MRPL52: variants seen among roughly 807,000 people sequenced by gnomAD.
MRPL52 encodes large ribosomal subunit protein mL52.
MRPL52 carries 19 observed loss-of-function variants against 22.1 expected under a neutral mutation model. The ratio of observed to expected loss-of-function variants is 0.86; its 90% CI spans 0.60 to 1.26. MRPL52 has a LOEUF of 1.26. Ranked by LOEUF, MRPL52 falls within the 50% of genes most tolerant of loss-of-function variation. The pLI, the probability that MRPL52 is intolerant of heterozygous loss-of-function variation, is 0.00. For synonymous variants in MRPL52, 50 were observed against 57.5 expected (o/e 0.87, Z 0.59); for missense variants, 152 against 148.1 (o/e 1.03, Z -0.14).
At chr14:22,834,057 G>A in intron 4 of MRPL52, 115 bp from the exon 5 acceptor site, 1 of 1,204,038 alleles carries the variant, frequency 8.3e-7, no homozygotes, top group Non-Finnish European at 1.2e-6. Context: ...CGCTCCCACT[G>A]GGGAGTCAGC....
At chr14:22,831,191 C>A in intron 3 of MRPL52, 1 of 553,558 alleles carries the variant, frequency 1.8e-6, no homozygotes, top group South Asian at 2.3e-5. Flanking sequence ...TCGCTCACTG[C>A]AGCCTTGATC....
chr14:22,833,612 GT>G, intron 4 of MRPL52, 130 bp downstream of exon 4: 22 of 657,498 alleles, frequency 3.3e-5, no homozygotes, highest in South Asian at 5.9e-5. Context: ...ACAGCCAAAG[GT>G]TTTTTTTGTT....
intron 3 of MRPL52, chr14:22,831,097 A>C (rs893479650): frequency 2.7e-5 from 11 of 404,442 alleles, no homozygotes; most frequent in Non-Finnish European, 4.5e-5. Flanking sequence ...CTGGAATTAC[A>C]TATGACTGCT....
chr14:22,833,788 A>T (rs1444567898), intron 4 of MRPL52, among the ~76,000 whole-genome samples: 4 of 152,082 alleles, frequency 2.6e-5, no homozygotes, highest in Non-Finnish European at 5.9e-5. Flanking sequence ...CACCCAGCTA[A>T]CTTTGTATTT....
chr14:22,830,902 A>T, intron 3 of MRPL52: 1 of 1,177,398 alleles, frequency 8.5e-7, no homozygotes, highest in Non-Finnish European at 1.2e-6. Flanking sequence ...ACTAGAACAT[A>T]GGCCAGTCCT....
chr14:22,833,717 G>A (rs2138721564), intron 4 of MRPL52, among the ~76,000 whole-genome samples: 1 of 152,306 alleles, frequency 6.6e-6, no homozygotes, highest in Admixed American at 6.5e-5. Flanking sequence ...CTACTCCCGG[G>A]TTCAAGCGAT....
rs749418015 is a variant in MRPL52 at position 22,834,249 on chromosome 14, A to G, written c.297A>G (p.Glu99=). ...AGCTCAGGCAGCAGAAGTTGCAGGAAGAACAAAGGAAGCAGGAAAATGCTC... is the reference window on the plus strand; with the variant it reads ...AGCTCAGGCAGCAGAAGTTGCAGGAGGAACAAAGGAAGCAGGAAAATGCTC... ...AWQLRQQKLQ[E]EQRKQENALK... Residue 99 remains glutamate, a synonymous_variant, in exon 5 of 5, where the codon GAA becomes GAG. Transcript: ENST00000397496. 7 of 1,614,238 alleles carry G rather than the reference A, an allele frequency of 4.3e-6. No homozygotes were observed. In the Admixed American group the frequency reaches 8.3e-5, roughly 19 times the overall value.
In MRPL52 at chr14:22,833,454, G is replaced by A. The variant is rs542832940; in HGVS notation, c.191G>A (p.Arg64Gln). 30 of 1,613,816 alleles carry A rather than the reference G, an allele frequency of 1.9e-5. No homozygotes were observed. The East Asian group carries it at 2.5e-4, about 13-fold the overall frequency. The change falls in exon 4 of 5, where the codon CGA (arginine) becomes CAA (glutamine). Residue 64 changes from arginine to glutamine, a missense_variant. By Grantham distance (43) the Arg-to-Gln change is conservative. Coordinates refer to ENST00000397496, the MANE Select transcript of MRPL52 (RefSeq NM_180982.3). Reference sequence around the variant, plus strand: ...GCTCCCCCAATGAAAGGCCAGCTTCGAAGAAAAGCTGAAAGGGAGACGTTT... The same window carrying A: ...GCTCCCCCAATGAAAGGCCAGCTTCAAAGAAAAGCTGAAAGGGAGACGTTT... ...RPAPPMKGQL[R>Q]RKAERETFAR...
chr14:22,833,246 G>A (rs1417061756), intron 3 of MRPL52, 172 bp from the exon 4 acceptor site: 7 of 587,266 alleles, frequency 1.2e-5, no homozygotes, highest in Middle Eastern at 4.0e-4. Context: ...CTGGGTTATC[G>A]TACCTCACCC....
At chr14:22,833,702 T>C (rs1475049495) in intron 4 of MRPL52, among the ~76,000 whole-genome samples, 1 of 152,174 alleles carries the variant, frequency 6.6e-6, no homozygotes, top group Non-Finnish European at 1.5e-5. Context: ...TCAGCTCACT[T>C]CAACCTACTC....
chr14:22,833,709 A>G (rs148348672), intron 4 of MRPL52, among the ~76,000 whole-genome samples: 2,978 of 151,794 alleles, frequency 0.02, 52 homozygotes, highest in African/African-American at 0.038. Context: ...ACTTCAACCT[A>G]CTCCCGGGTT....
At position 22,834,302 on chromosome 14, in the gene MRPL52, G is replaced by A; in HGVS notation, c.350G>A (p.Ser117Asn). Reference protein sequence around the residue: ...ALKPKGASLKSPLPSQ With the variant: ...ALKPKGASLKNPLPSQ ...AAACCCAAAGGGGCTTCACTGAAGA[G>A]CCCACTTCCAAGTCAATAAAAAGCA... Residue 117 changes from serine to asparagine, a missense_variant, in exon 5 of 5, where the codon AGC becomes AAC. Transcript: ENST00000397496. 1 of 1,612,760 alleles carries A rather than the reference G, an allele frequency of 6.2e-7. No homozygotes were observed. The highest frequency in any genetic ancestry group is 8.5e-7 in the Non-Finnish European group (1 of 1,179,614).
intron 3 of MRPL52, chr14:22,830,705 T>C (rs2039588188): frequency 4.8e-6 from 2 of 416,034 alleles, no homozygotes; most frequent in South Asian, 3.9e-5. Context: ...CTTCAGAAAA[T>C]TCTTTTACCT....
intron 4 of MRPL52, 88 bp downstream of exon 4, chr14:22,833,570 CAT>C (rs1181485385): frequency 1.4e-5 from 13 of 912,080 alleles, no homozygotes; most frequent in Non-Finnish European, 2.3e-5. Context: ...CCTAAGCAAA[CAT>C]GTACCCCTCA....
At position 22,830,067 on chromosome 14, in the gene MRPL52, C is replaced by G; in HGVS notation, c.43C>G (p.His15Asp). 1 of 1,614,078 alleles carries G rather than the reference C, an allele frequency of 6.2e-7. No individual in the cohort carries two copies. Among genetic ancestry groups the G allele is most frequent in the Non-Finnish European group, 8.5e-7 (1 of 1,179,970 alleles). ...TCTCCCAGCAGGTGTCCGGAGGCTG[C>G]ACTGCAGCGTAGCCGCTTGGGCGGG... ...GTVLFSVRRL[H>D]CSVAAWAGGQ... Residue 15 changes from histidine (H) to aspartate (D), a missense_variant, in exon 2 of 5, where the codon CAC becomes GAC. By Grantham distance (81) the His-to-Asp change is moderately conservative (BLOSUM62 -1). Transcript: ENST00000397496.
At chr14:22,830,023 T>C (rs1159628971) in intron 1 of MRPL52, 30 bp from the exon 2 acceptor site, 1 of 1,613,582 alleles carries the variant, frequency 6.2e-7, no homozygotes, top group African/African-American at 1.3e-5. Context: ...GCGCGGCCTC[T>C]CCCCCAACTC....
intron 3 of MRPL52, chr14:22,830,525 ACTT>A: frequency 2.0e-6 from 1 of 491,772 alleles, no homozygotes; most frequent in Admixed American, 3.8e-5. Flanking sequence ...GGGTGACAAG[ACTT>A]CTGCGTTTTT....
chr14:22,831,106 C>CTTTT (rs36143447), intron 3 of MRPL52: 47,011 of 163,104 alleles, frequency 0.29, 12,035 homozygotes, highest in East Asian at 0.4. Context: ...CATATGACTG[C>CTTTT]TTTTTTTTTT....
At chr14:22,830,304 GGGAACGCCCCT>G (rs747928054) in intron 3 of MRPL52, 50 bp downstream of exon 3, 3 of 1,599,640 alleles carry the variant, frequency 1.9e-6, no homozygotes, top group South Asian at 2.2e-5. Context: ...TTCACCTAGA[GGGAACGCCCCT>G]GGACGGGGAG....
Sources: gnomAD v4.1 joint callset for allele counts (sites outside exome capture counted in the v4.1 genomes callset) on GRCh38, gnomAD v4.1.1 for gene constraint, MANE v1.5 for transcripts, NCBI Gene and HGNC (gene_info 2026-07-23, HGNC 2026-07-21) for gene names.